Variants in PPIG observed in about 807,000 individuals in gnomAD.
PPIG encodes the protein peptidylprolyl isomerase G, also known as peptidyl-prolyl cis-trans isomerase G.
In PPIG, 26 loss-of-function variants were observed where a neutral mutation model predicts 87.9. That is an observed-to-expected ratio of 0.30 (90% CI 0.22 to 0.41). The LOEUF (loss-of-function observed/expected upper bound fraction) is 0.41, where lower values mean the gene tolerates loss of function less well. Among genes scored for constraint, PPIG ranks in the 10% least tolerant of loss-of-function variants. The pLI is 1.00. For synonymous variants in PPIG, 308 were observed against 276.5 expected, an observed-to-expected ratio of 1.11 and a Z score of -1.13; for missense variants, 722 against 879.4, an observed-to-expected ratio of 0.82 and a Z score of 2.26.
In PPIG at chr2:169,617,062, T is replaced by C. The variant is rs182602364; in HGVS notation, c.547+2338T>C. Among the ~76,000 whole-genome samples, 213 of 152,330 alleles carry C rather than the reference T, an allele frequency of 1.4e-3. 1 individual carries two copies. Among genetic ancestry groups the C allele is most frequent in the Admixed American group, 2.4e-3 (37 of 15,306 alleles). On this transcript the variant is annotated intron_variant, in intron 9 of 13. Transcript: ENST00000260970. ...TATAAGGTGTAAGGAAGGGGTCCAG[T>C]TTCAGTTTTCTGCATATGGCTAGCC...
chr2:169,619,647 T>C (rs1450178543), intron 9 of PPIG, among the ~76,000 whole-genome samples: 1 of 152,154 alleles, frequency 6.6e-6, no homozygotes, highest in Non-Finnish European at 1.5e-5. Context: ...TTTTTGATTT[T>C]TTGAGGAGAC....
At position 169,637,263 on chromosome 2, in the gene PPIG, C is replaced by G. The variant is rs757114325; in HGVS notation, c.2005C>G (p.Arg669Gly). ...ESEKRMYSKSRDHNSSNNSRE... is the reference protein window; with the variant it reads ...ESEKRMYSKSGDHNSSNNSRE... ...TGAGAAAAGAATGTACTCTAAAAGTCGTGATCATAATAGCTCAAATAACAG... is the reference window on the plus strand; with the variant it reads ...TGAGAAAAGAATGTACTCTAAAAGTGGTGATCATAATAGCTCAAATAACAG... The change falls in exon 14 of 14, where the codon CGT (arginine) becomes GGT (glycine). Residue 669 changes from arginine to glycine, a missense_variant. Arg to Gly is a moderately radical substitution (Grantham distance 125, BLOSUM62 -2). Around this residue, in one of 4 missense-constraint regions of PPIG, gnomAD observed 476 missense variants for 483.1 expected, o/e 0.99. Transcript: ENST00000260970. 2 of 1,612,530 alleles carry G rather than the reference C, an allele frequency of 1.2e-6. No homozygotes were observed. The highest frequency in any genetic ancestry group is 1.7e-6 in the Non-Finnish European group (2 of 1,179,664).
intron 7 of PPIG, among the ~76,000 whole-genome samples, chr2:169,609,121 TTC>T (rs1276412603): frequency 1.3e-5 from 2 of 151,998 alleles, no homozygotes; most frequent in Non-Finnish European, 2.9e-5. Flanking sequence ...GGTCTGTCAT[TTC>T]TCTGTGTGCC....
chr2:169,615,780 C>T (rs1574454198), intron 9 of PPIG, among the ~76,000 whole-genome samples: 3 of 152,184 alleles, frequency 2.0e-5, no homozygotes, highest in African/African-American at 7.2e-5. Context: ...ATCTCTTCAA[C>T]ACACTGATCT....
At chr2:169,594,625 C>CTTTTT (rs61375406) in intron 1 of PPIG, among the ~76,000 whole-genome samples, 289 of 114,576 alleles carry the variant, frequency 2.5e-3, no homozygotes, top group Middle Eastern at 4.8e-3. Context: ...TCTTTCTTTT[C>CTTTTT]TTTTTTTTTT....
intron 5 of PPIG, 71 bp downstream of exon 5, chr2:169,606,217 G>A: frequency 1.8e-6 from 2 of 1,121,324 alleles, no homozygotes; most frequent in Non-Finnish European, 2.7e-6. Flanking sequence ...CAAGTCCCTA[G>A]AAGTTTTAGT....
At chr2:169,616,683 T>C (rs761721377) in intron 9 of PPIG, among the ~76,000 whole-genome samples, 2 of 152,112 alleles carry the variant, frequency 1.3e-5, no homozygotes, top group African/African-American at 2.4e-5. Context: ...TGCCCGCTTT[T>C]TGATGGGGTG....
At chr2:169,616,424 C>T (rs1685610623) in intron 9 of PPIG, among the ~76,000 whole-genome samples, 1 of 152,192 alleles carries the variant, frequency 6.6e-6, no homozygotes, top group African/African-American at 2.4e-5. Flanking sequence ...AATCGCCACA[C>T]TGTCTTCTAC....
chr2:169,591,872 C>T (rs996481989), intron 1 of PPIG, among the ~76,000 whole-genome samples: 19 of 149,242 alleles, frequency 1.3e-4, no homozygotes, highest in Admixed American at 2.0e-4. Flanking sequence ...CAGATTACTA[C>T]TACACTGAAA....
At position 169,639,606 on chromosome 2, in the gene PPIG, C is replaced by T. The variant is rs539260661; in HGVS notation, c.*2083C>T. ...TTATCAAAAGAGCAACTCCATGCTC[C>T]GCATTATTTATAGTCCTTATTTTAA... On this transcript the variant is annotated 3_prime_UTR_variant, in exon 14 of 14. Transcript: ENST00000260970. 3.3e-5 allele frequency: 5 copies of T among 152,116 alleles called. No homozygotes were observed. Among genetic ancestry groups the T allele is most frequent in the South Asian group, 2.1e-4 (1 of 4,828 alleles). 9.4% of individuals were successfully genotyped at this position (152,116 alleles called of 1,614,324 possible). A position where few individuals can be genotyped will look rare whatever the true frequency, so the allele number is the denominator to read the frequency against.
chr2:169,614,367 T>C (rs1685561112), intron 7 of PPIG, 97 bp from the exon 8 acceptor site: 1 of 1,145,152 alleles, frequency 8.7e-7, no homozygotes, highest in South Asian at 1.4e-5. Flanking sequence ...TTTTCAACTT[T>C]GTTTCCAATA....
chr2:169,587,073 A>G (rs1015600492), intron 1 of PPIG, among the ~76,000 whole-genome samples: 2 of 152,024 alleles, frequency 1.3e-5, no homozygotes, highest in Non-Finnish European at 2.9e-5. Context: ...AGCTGGGAGT[A>G]CAGGTGCCTG....
intron 9 of PPIG, among the ~76,000 whole-genome samples, chr2:169,615,661 G>A (rs1685592250): frequency 6.6e-6 from 1 of 152,040 alleles, no homozygotes; most frequent in Non-Finnish European, 1.5e-5. Context: ...GTATTCCATT[G>A]TGTATATAAA....
Position 169,636,641 on chromosome 2 carries a change from G to A in PPIG, c.1383G>A (p.Arg461=), listed in dbSNP as rs773304400. 6.3e-7 allele frequency: 1 copy of A among 1,596,982 alleles called. No homozygotes were observed. The highest frequency in any genetic ancestry group is 1.4e-5 in the African/African-American group (1 of 73,506). The change falls in exon 14 of 14, where the codon AGG becomes AGA. Residue 461 remains arginine, a synonymous_variant. Transcript: ENST00000260970. ...AGAAAAGGGCCAAATCTAAAAGTAG[G>A]AGTAAGAGCAAAGAGAAATCAAAGA... ...KVKKRAKSKS[R]SKSKEKSKSK... is the part of the protein sequence containing the mutation.
chr2:169,609,153 A>G (rs1685418863), intron 7 of PPIG, among the ~76,000 whole-genome samples: 1 of 151,958 alleles, frequency 6.6e-6, no homozygotes, highest in Non-Finnish European at 1.5e-5. Flanking sequence ...TTACTAATAA[A>G]TAGGAGAGGA....
intron 4 of PPIG, among the ~76,000 whole-genome samples, chr2:169,604,815 G>A (rs369305743): frequency 5.9e-5 from 9 of 151,610 alleles, no homozygotes; most frequent in African/African-American, 1.7e-4. Flanking sequence ...CAGAGGTTGC[G>A]GTGAGCCGAG....
intron 9 of PPIG, among the ~76,000 whole-genome samples, chr2:169,628,401 C>T (rs979041675): frequency 1.3e-5 from 2 of 152,188 alleles, no homozygotes; most frequent in Non-Finnish European, 2.9e-5. Flanking sequence ...CTCATCAGTA[C>T]TGGAAAAGCA....
intron 1 of PPIG, among the ~76,000 whole-genome samples, chr2:169,593,650 C>CTTTTTTTT (rs57902378): frequency 1.9e-5 from 2 of 106,202 alleles, no homozygotes; most frequent in African/African-American, 3.5e-5. Flanking sequence ...TGCTTTATAT[C>CTTTTTTTT]TTTTTTTTTT....
At chr2:169,615,099 A>G (rs937490223) in intron 9 of PPIG, among the ~76,000 whole-genome samples, 1 of 151,864 alleles carries the variant, frequency 6.6e-6, no homozygotes, top group African/African-American at 2.4e-5. Context: ...CCCAGGCTGG[A>G]GTGCAGTGGC....
Sources: gnomAD v4.1 joint callset for allele counts (sites outside exome capture counted in the v4.1 genomes callset) on GRCh38, gnomAD v4.1.1 for gene constraint, gnomAD v4.1.1 regional missense constraint, MANE v1.5 for transcripts, NCBI Gene and HGNC (gene_info 2026-07-23, HGNC 2026-07-21) for gene names.